Variants in ELFN2 observed in about 807,000 individuals in gnomAD.
The protein encoded by ELFN2 is protein phosphatase 1 regulatory subunit 29.
ELFN2 carries 17 observed loss-of-function variants against 45.5 expected under a neutral mutation model. The ratio of observed to expected loss-of-function variants is 0.37; its 90% confidence interval spans 0.26 to 0.56. The LOEUF (loss-of-function observed/expected upper bound fraction) is 0.56, where lower values mean the gene tolerates loss of function less well. Ranked by LOEUF, ELFN2 falls within the 20% of genes least tolerant of loss-of-function variation. The pLI, the probability that ELFN2 is intolerant of heterozygous loss-of-function variation, is 0.77. For missense variants in ELFN2, 922 were observed against 1,183.2 expected (o/e 0.78, Z 3.24); for synonymous variants, 550 against 551.5 (o/e 1.00, Z 0.04).
In ELFN2 at chr22:37,373,943, G is replaced by A. The variant is rs765681278; in HGVS notation, c.1592C>T (p.Ala531Val). Residue 531 changes from alanine to valine, a missense_variant, in exon 3 of 3, where the codon GCT becomes GTT. Physicochemically the swap from Ala to Val is moderately conservative, Grantham distance 64 (BLOSUM62 0). Around this residue, in one of 2 missense-constraint regions of ELFN2, gnomAD observed 564 missense variants for 642.8 expected, o/e 0.88. Coordinates refer to ENST00000402918, the MANE Select transcript of ELFN2 (RefSeq NM_052906.5). ...CTTGGCAATGGTGGAGATCTCTGCA[G>A]CCGAGCCCTGGCCGTTCTCGAGGTC... ...LPDLENGQGS[A>V]AEISTIAKEV... 1 of 1,613,068 alleles carries A rather than the reference G, an allele frequency of 6.2e-7. No homozygotes were observed. The highest frequency in any genetic ancestry group is 1.1e-5 in the South Asian group (1 of 91,084).
rs115985995 is a variant in ELFN2 at position 37,394,378 on chromosome 22, T to C, written c.-462-18382A>G. On this transcript the variant is annotated intron_variant, in intron 2 of 2. Transcript: ENST00000402918. ...GGACTCACCGAGGCCTCTTTCTTAA[T>C]ACCCTTTCAGCCGCTTCCACAGTTC... is the stretch of plus-strand genomic sequence containing the variant. Among the ~76,000 whole-genome samples the C allele has an allele frequency of 7.6e-3, 1,161 of 152,262 alleles. 16 individuals carry two copies. Among genetic ancestry groups the C allele is most frequent in the African/African-American group, 0.027 (1,116 of 41,556 alleles).
At chr22:37,399,558 G>A (rs11089840) in intron 2 of ELFN2, among the ~76,000 whole-genome samples, 1,246 of 22,486 alleles carry the variant, frequency 0.055, 79 homozygotes, top group African/African-American at 0.095. Flanking sequence ...GGGGACCACC[G>A]GCCCACCTCT....
chr22:37,388,224 C>T (rs1304670419), intron 2 of ELFN2, among the ~76,000 whole-genome samples: 3 of 152,096 alleles, frequency 2.0e-5, no homozygotes, highest in African/African-American at 7.2e-5. Context: ...GCATCCAGAG[C>T]CCAGCCCACA....
intron 2 of ELFN2, among the ~76,000 whole-genome samples, chr22:37,404,380 G>A (rs1569141059): frequency 6.6e-6 from 1 of 152,146 alleles, no homozygotes; most frequent in Non-Finnish European, 1.5e-5. Context: ...AGCGAAGAGA[G>A]TCGGGCAGGA....
rs142760505 is a variant in ELFN2, at chr22:37,401,988, A to G, written c.-463+15781T>C. On this transcript the variant is annotated intron_variant, in intron 2 of 2. Transcript: ENST00000402918. ...GAGGCTGAAGGAAGAAGCCCCAGAT[A>G]AGGAATCAGAAGGCCCAAGAGTGAG... 6.7e-3 allele frequency among the ~76,000 whole-genome samples: 1,016 copies of G among 152,206 alleles called. 9 individuals are homozygous for G. Among genetic ancestry groups the G allele is most frequent in the African/African-American group, 0.021 (885 of 41,524 alleles).
At chr22:37,345,497 G>C (rs538892393) in intron 1 of ELFN2, among the ~76,000 whole-genome samples, 2 of 151,670 alleles carry the variant, frequency 1.3e-5, no homozygotes, top group Non-Finnish European at 2.9e-5. Context: ...AGGCACACCT[G>C]CTCCCCTGCA....
chr22:37,421,619 C>T (rs900278669), intron 1 of ELFN2, among the ~76,000 whole-genome samples: 2 of 152,218 alleles, frequency 1.3e-5, no homozygotes, highest in Admixed American at 1.3e-4. Flanking sequence ...TCTGGGGGTT[C>T]CTGCCTGAGC....
intron 2 of ELFN2, among the ~76,000 whole-genome samples, chr22:37,400,694 G>A (rs766856279): frequency 2.6e-5 from 4 of 152,190 alleles, no homozygotes; most frequent in Non-Finnish European, 2.9e-5. Context: ...CTCACTCCCC[G>A]CCAGGGTCCC....
At chr22:37,411,102 G>T (rs957556376) in intron 2 of ELFN2, among the ~76,000 whole-genome samples, 1 of 152,216 alleles carries the variant, frequency 6.6e-6, no homozygotes, top group African/African-American at 2.4e-5. Flanking sequence ...TGGGTGGTGG[G>T]CACTACTTTT....
At position 37,371,698 on chromosome 22, in the gene ELFN2, C is replaced by G. The variant is rs1931371573; in HGVS notation, c.*1374G>C. The G allele has an allele frequency of 6.6e-6, 1 of 152,662 alleles. No homozygotes were observed. The highest frequency in any genetic ancestry group is 1.9e-4 in the East Asian group (1 of 5,194). The allele number at this position is 152,662 out of a possible 1,614,324, so 9.5% of individuals were successfully genotyped here. On this transcript the variant is annotated 3_prime_UTR_variant, in exon 3 of 3. Coordinates refer to ENST00000402918, the MANE Select transcript of ELFN2 (RefSeq NM_052906.5). This position sits in a 1 kb window ranked among gnomAD's most constrained non-coding sequence, Gnocchi z 6.4. The stretch of plus-strand genomic sequence containing the variant: ...CACCAACTGCCAGGCACAGGGTTAC[C>G]ATGGTGACAGAGGCTGGCTGGGAGG...
At chr22:37,358,767 T>C (rs1931010499) in intron 1 of ELFN2, among the ~76,000 whole-genome samples, 1 of 152,200 alleles carries the variant, frequency 6.6e-6, no homozygotes, top group Admixed American at 6.5e-5. Flanking sequence ...GTGGGCCCAC[T>C]GGCTGCTATC....
At chr22:37,383,227 T>A (rs954616104) in intron 2 of ELFN2, among the ~76,000 whole-genome samples, 3 of 152,130 alleles carry the variant, frequency 2.0e-5, no homozygotes, top group African/African-American at 7.2e-5. Flanking sequence ...TCGGCTGGGC[T>A]CCCTGCTTCT....
chr22:37,373,542 C>T lies in ELFN2; in HGVS notation c.1993G>A (p.Glu665Lys), dbSNP rs563093626. The change falls in exon 3 of 3, where the codon GAG becomes AAG. Residue 665 changes from glutamate to lysine, a missense_variant. Transcript: ENST00000402918. ...GLAKGDSKYI[E>K]KGSPLNSPLD... is the part of the protein sequence containing the mutation. Reference sequence around the variant, plus strand: ...GGGCTGTTGAGGGGGCTGCCCTTCTCGATGTACTTGGAGTCGCCCTTAGCC... The same window carrying T: ...GGGCTGTTGAGGGGGCTGCCCTTCTTGATGTACTTGGAGTCGCCCTTAGCC... 5 of 1,588,838 alleles carry T rather than the reference C, an allele frequency of 3.1e-6. No homozygotes were observed. The highest frequency in any genetic ancestry group is 2.3e-5 in the East Asian group (1 of 43,940).
At chr22:37,345,941 G>C (rs568102587) in intron 1 of ELFN2, among the ~76,000 whole-genome samples, 1 of 152,106 alleles carries the variant, frequency 6.6e-6, no homozygotes, top group Non-Finnish European at 1.5e-5. Flanking sequence ...CCTGACATCT[G>C]CTGATCCCAA....
At chr22:37,399,586 C>T (rs1932310641) in intron 2 of ELFN2, among the ~76,000 whole-genome samples, 1 of 143,618 alleles carries the variant, frequency 7.0e-6, no homozygotes, top group Non-Finnish European at 1.5e-5. Context: ...CCACCGACCA[C>T]GGGGACCACC....
intron 2 of ELFN2, among the ~76,000 whole-genome samples, chr22:37,411,091 T>C (rs1932638312): frequency 6.6e-6 from 1 of 152,172 alleles, no homozygotes; most frequent in African/African-American, 2.4e-5. Context: ...AGTGTCACCC[T>C]TGGGTGGTGG....
chr22:37,399,418 C>T (rs920455097), intron 2 of ELFN2, among the ~76,000 whole-genome samples: 4 of 152,186 alleles, frequency 2.6e-5, no homozygotes, highest in African/African-American at 7.2e-5. Context: ...ATGCTCCCTC[C>T]TGTGCCACCC....
intron 2 of ELFN2, among the ~76,000 whole-genome samples, chr22:37,416,078 G>A (rs1932757001): frequency 6.6e-6 from 1 of 152,234 alleles, no homozygotes; most frequent in Non-Finnish European, 1.5e-5. Flanking sequence ...TGGGAGGCAT[G>A]TGCCTCATCT....
At chr22:37,391,926 G>A (rs1932095901) in intron 2 of ELFN2, among the ~76,000 whole-genome samples, 1 of 152,206 alleles carries the variant, frequency 6.6e-6, no homozygotes, top group Admixed American at 6.5e-5. Flanking sequence ...GCGTGGCTGG[G>A]TGACATGGGC....
Sources: gnomAD v4.1 joint callset for allele counts (sites outside exome capture counted in the v4.1 genomes callset) on GRCh38, gnomAD v4.1.1 for gene constraint, gnomAD v4.1.1 regional missense constraint, Gnocchi (gnomAD v3.1) non-coding constraint, MANE v1.5 for transcripts, NCBI Gene and HGNC (gene_info 2026-07-23, HGNC 2026-07-21) for gene names.